Variants in MYO5B observed in about 807,000 individuals in gnomAD.
The protein encoded by MYO5B is unconventional myosin-Vb.
Under a neutral mutation model 229.3 loss-of-function variants are expected in MYO5B, and 143 were observed. That is an observed-to-expected ratio of 0.62 (90% CI 0.54 to 0.72). The LOEUF is 0.72. Among genes scored for constraint, MYO5B ranks in the 30% least tolerant of loss-of-function variants. The pLI is 0.00. For synonymous variants in MYO5B, 918 were observed against 885.2 expected, an observed-to-expected ratio of 1.04 and a Z score of -0.66; for missense variants, 2,321 against 2,331.0, an observed-to-expected ratio of 1.00 and a Z score of 0.09.
At chr18:49,977,586 C>A (rs572980136) in intron 9 of MYO5B, among the ~76,000 whole-genome samples, 1 of 152,274 alleles carries the variant, frequency 6.6e-6, no homozygotes, top group African/African-American at 2.4e-5. Context: ...AAGCAGAGGG[C>A]AGTCTCCTCC....
intron 7 of MYO5B, 101 bp downstream of exon 7, chr18:49,990,338 G>A (rs2025915847): frequency 1.0e-6 from 1 of 988,566 alleles, no homozygotes; most frequent in Non-Finnish European, 1.6e-6. Context: ...GCAGAGCCGA[G>A]ACAAGAACCC....
chr18:50,135,864 T>G (rs965982887), intron 1 of MYO5B, among the ~76,000 whole-genome samples: 2 of 152,202 alleles, frequency 1.3e-5, no homozygotes, highest in Non-Finnish European at 2.9e-5. Flanking sequence ...CCTTGATAGG[T>G]GTGCCTGCAA....
At chr18:49,923,017 T>G (rs1474698943) in intron 17 of MYO5B, among the ~76,000 whole-genome samples, 1 of 152,180 alleles carries the variant, frequency 6.6e-6, no homozygotes, top group Non-Finnish European at 1.5e-5. Flanking sequence ...AAAATGAGGT[T>G]GCCTGGATGA....
intron 1 of MYO5B, among the ~76,000 whole-genome samples, chr18:50,080,560 T>C (rs1175538486): frequency 3.3e-5 from 5 of 152,196 alleles, no homozygotes; most frequent in Non-Finnish European, 7.3e-5. Context: ...AGAGGCCACA[T>C]GCCACTTGTA....
At chr18:49,861,559 T>C (rs1309795798) in intron 29 of MYO5B, among the ~76,000 whole-genome samples, 6 of 152,212 alleles carry the variant, frequency 3.9e-5, no homozygotes, top group African/African-American at 7.2e-5. Flanking sequence ...ATTCCTTTTC[T>C]CCCTCCTTTA....
Position 49,826,623 on chromosome 18 carries a change from C to T in MYO5B, c.5395G>A (p.Ala1799Thr). The part of the protein sequence containing the change: ...VTVAFIRTIQ[A>T]QLQERNDPQQ... ...GGGTCATTCCGCTCTTGTAGTTGTG[C>T]CTATGGGGAAGAATAAGACCATGTA... Residue 1799 changes from alanine (A) to threonine (T), a missense_variant and splice_region_variant, in exon 40 of 40, where the codon GCA (alanine) becomes ACA (threonine). Physicochemically the swap from Ala to Thr is moderately conservative, Grantham distance 58. Transcript: ENST00000285039. 6.2e-7 allele frequency: 1 copy of T among 1,612,868 alleles called. No individual in the cohort carries two copies. Among genetic ancestry groups the T allele is most frequent in the Non-Finnish European group, 8.5e-7 (1 of 1,179,822 alleles).
chr18:49,911,973 C>T, intron 18 of MYO5B, 89 bp downstream of exon 18: 1 of 989,634 alleles, frequency 1.0e-6, no homozygotes, highest in South Asian at 1.3e-5. Context: ...AGGATGAAGA[C>T]CAAAAAAAAA....
intron 1 of MYO5B, among the ~76,000 whole-genome samples, chr18:50,182,794 A>C (rs2033091024): frequency 6.6e-6 from 1 of 152,156 alleles, no homozygotes; most frequent in Non-Finnish European, 1.5e-5. Context: ...CTCCTTGGTG[A>C]GGAGAGGACT....
Position 49,997,847 on chromosome 18 carries a change from C to T in MYO5B, c.612+3408G>A, listed in dbSNP as rs541303920. On this transcript the variant is annotated intron_variant, in intron 5 of 39. Transcript: ENST00000285039. ...GTGTCTGCAGCTGCTGGGCAGCAGA[C>T]GCAATGAGACAACGCCGTGACCATA... 1.4e-4 allele frequency among the ~76,000 whole-genome samples: 21 copies of T among 152,256 alleles called. No individual in the cohort carries two copies. The South Asian group carries it at 3.5e-3, about 26-fold the overall frequency.
intron 1 of MYO5B, among the ~76,000 whole-genome samples, chr18:50,134,099 C>T (rs1312087859): frequency 1.3e-5 from 2 of 152,174 alleles, no homozygotes; most frequent in African/African-American, 4.8e-5. Flanking sequence ...GAAAAAGGAA[C>T]TGCCTGACTG....
chr18:50,166,401 T>C (rs2032852489), intron 1 of MYO5B, among the ~76,000 whole-genome samples: 1 of 152,166 alleles, frequency 6.6e-6, no homozygotes. Context: ...AAGATAGACA[T>C]AAGCAAGCAA....
intron 17 of MYO5B, among the ~76,000 whole-genome samples, chr18:49,921,196 A>G (rs1346566298): frequency 6.6e-6 from 1 of 152,020 alleles, no homozygotes; most frequent in African/African-American, 2.4e-5. Context: ...CTTTTCAGAA[A>G]GTGCCACTTT....
chr18:49,962,730 GAA>G (rs2025574401), intron 11 of MYO5B, among the ~76,000 whole-genome samples: 4 of 152,182 alleles, frequency 2.6e-5, no homozygotes, highest in Non-Finnish European at 5.9e-5. Flanking sequence ...AAGCCAAAGA[GAA>G]GATCATTTCC....
intron 1 of MYO5B, among the ~76,000 whole-genome samples, chr18:50,168,725 G>A (rs2032888736): frequency 7.9e-6 from 1 of 127,132 alleles, no homozygotes; most frequent in African/African-American, 3.0e-5. Context: ...GGTCTTAAGT[G>A]TCCAAAACAC....
intron 33 of MYO5B, 148 bp downstream of exon 33, chr18:49,846,997 TG>T (rs2024136545): frequency 2.4e-6 from 2 of 824,646 alleles, no homozygotes; most frequent in Non-Finnish European, 3.6e-6. Context: ...GAGTGGAAGA[TG>T]GGGGCAGGTG....
chr18:50,113,357 T>A (rs1450337244), intron 1 of MYO5B, among the ~76,000 whole-genome samples: 1 of 152,218 alleles, frequency 6.6e-6, no homozygotes, highest in Non-Finnish European at 1.5e-5. Flanking sequence ...CTCCCTGTGA[T>A]GCTGTCGTGA....
chr18:49,915,504 G>A (rs1032270028), intron 17 of MYO5B, among the ~76,000 whole-genome samples: 1 of 152,210 alleles, frequency 6.6e-6, no homozygotes, highest in African/African-American at 2.4e-5. Context: ...AGAGCACCGA[G>A]GCCTCTGTCT....
At chr18:49,987,587 AGAG>A (rs765322068) in intron 7 of MYO5B, among the ~76,000 whole-genome samples, 1 of 152,198 alleles carries the variant, frequency 6.6e-6, no homozygotes, top group Non-Finnish European at 1.5e-5. Context: ...AAAAGAACAC[AGAG>A]GAGAACATGA....
intron 27 of MYO5B, among the ~76,000 whole-genome samples, chr18:49,869,856 A>G (rs982934004): frequency 6.6e-6 from 1 of 152,032 alleles, no homozygotes; most frequent in Non-Finnish European, 1.5e-5. Flanking sequence ...CAGCAAGCTC[A>G]GTGATGCTGA....
Sources: allele counts gnomAD v4.1 joint callset (sites outside exome capture counted in the v4.1 genomes callset), GRCh38; gene constraint gnomAD v4.1.1; transcripts MANE v1.5; gene names NCBI Gene and HGNC (gene_info 2026-07-23, HGNC 2026-07-21).